Variants in C12orf56 observed in about 807,000 individuals in gnomAD.
C12orf56 encodes the protein uncharacterized protein C12orf56.
A neutral mutation model predicts 69.9 loss-of-function variants in C12orf56; 71 were observed. That is an observed-to-expected ratio of 1.02 (90% CI 0.84 to 1.24). C12orf56 has a LOEUF of 1.24. C12orf56 is among the 50% of genes most tolerant of loss of function. C12orf56 has a pLI of 0.00. For missense variants in C12orf56, 732 were observed against 738.5 expected, an observed-to-expected ratio of 0.99 and a Z score of 0.10; for synonymous variants, 276 against 274.1, an observed-to-expected ratio of 1.01 and a Z score of -0.07.
rs184139850 is a variant in C12orf56, at chr12:64,298,653, C to T, written c.1113+4982G>A. On this transcript the variant is annotated intron_variant, in intron 6 of 12. Coordinates refer to ENST00000543942, the MANE Select transcript of C12orf56 (RefSeq NM_001170633.2). ...TAAATAGGGAATCCTTTCCCCATTG[C>T]TTGTTTGTGTCAGGTTTGTCAAAGA... Among the ~76,000 whole-genome samples, 205 of 150,394 alleles carry T rather than the reference C, an allele frequency of 1.4e-3. 1 individual carries two copies. The highest frequency in any genetic ancestry group is 5.0e-3 in the African/African-American group (203 of 41,008).
intron 5 of C12orf56, among the ~76,000 whole-genome samples, chr12:64,311,123 G>C (rs1472681494): frequency 1.3e-5 from 2 of 151,992 alleles, no homozygotes; most frequent in African/African-American, 4.8e-5. Flanking sequence ...TATCATTGTT[G>C]GACATTTGGG....
chr12:64,336,505 T>C (rs947955229), intron 2 of C12orf56, among the ~76,000 whole-genome samples: 1 of 152,162 alleles, frequency 6.6e-6, no homozygotes. Flanking sequence ...ATAATTATGC[T>C]TGTGGACAAG....
intron 9 of C12orf56, among the ~76,000 whole-genome samples, chr12:64,275,737 G>C (rs1263010851): frequency 6.6e-6 from 1 of 152,088 alleles, no homozygotes; most frequent in Non-Finnish European, 1.5e-5. Flanking sequence ...CCAGTAGCTA[G>C]GACTACAGGT....
At chr12:64,384,538 G>A (rs1186790284) in intron 1 of C12orf56, among the ~76,000 whole-genome samples, 1 of 152,136 alleles carries the variant, frequency 6.6e-6, no homozygotes, top group Non-Finnish European at 1.5e-5. Flanking sequence ...AAGCAAGCAG[G>A]CCAGGCTGTA....
In C12orf56 at chr12:64,344,755, C is replaced by T. The variant is rs2039118413; in HGVS notation, c.415+8139G>A. On this transcript the variant is annotated intron_variant, in intron 2 of 12. Transcript: ENST00000543942. ...GTCAAGGGTATATCTTCTGGACCCTCCCAGCTGGGATGAGTAGCTCTAAAA... is the reference window on the plus strand; with the variant it reads ...GTCAAGGGTATATCTTCTGGACCCTTCCAGCTGGGATGAGTAGCTCTAAAA... Among the ~76,000 whole-genome samples, 3 of 152,260 alleles carry T rather than the reference C, an allele frequency of 2.0e-5. No homozygotes were observed. In the South Asian group the frequency reaches 6.2e-4, roughly 32 times the overall value.
intron 1 of C12orf56, among the ~76,000 whole-genome samples, chr12:64,373,968 T>C (rs1247047795): frequency 6.6e-6 from 1 of 152,198 alleles, no homozygotes; most frequent in Admixed American, 6.6e-5. Context: ...TTTTTCCATT[T>C]GGAACTTGGC....
In C12orf56 at chr12:64,309,321, A is replaced by T. The variant is rs527466385; in HGVS notation, c.968+3358T>A. ...ACTCTCCCCAACCCCGGAGACCTCT[A>T]TTCTATTTTCTGTCTCTATAAATTT... On this transcript the variant is annotated intron_variant, in intron 5 of 12. Transcript: ENST00000543942. Among the ~76,000 whole-genome samples the T allele has an allele frequency of 2.6e-5, 4 of 152,216 alleles. No homozygotes were observed. The South Asian group carries it at 8.3e-4, about 32-fold the overall frequency.
intron 4 of C12orf56, among the ~76,000 whole-genome samples, chr12:64,318,314 C>T (rs535726935): frequency 4.6e-5 from 7 of 152,216 alleles, no homozygotes; most frequent in African/African-American, 1.4e-4. Context: ...CCATCCACCT[C>T]GGCCTCCCAA....
chr12:64,269,745 G>C (rs779393874), intron 12 of C12orf56, among the ~76,000 whole-genome samples: 1 of 151,728 alleles, frequency 6.6e-6, no homozygotes, highest in Non-Finnish European at 1.5e-5. Context: ...TGCACCACCA[G>C]GCTCAGCTTA....
intron 1 of C12orf56, among the ~76,000 whole-genome samples, chr12:64,382,451 G>A (rs2039732265): frequency 6.6e-6 from 1 of 152,018 alleles, no homozygotes; most frequent in Admixed American, 6.6e-5. Context: ...CTTAATATAT[G>A]TGAATAAAGG....
chr12:64,267,575 C>A, intron 12 of C12orf56: 1 of 363,196 alleles, frequency 2.8e-6, no homozygotes, highest in Non-Finnish European at 5.0e-6. Context: ...CTTGGTTTAT[C>A]AGGCAATGCG....
At chr12:64,337,206 C>T (rs1394049056) in intron 2 of C12orf56, among the ~76,000 whole-genome samples, 2 of 152,100 alleles carry the variant, frequency 1.3e-5, no homozygotes, top group African/African-American at 4.8e-5. Flanking sequence ...ACTTCAGACA[C>T]CAAGTGTGTA....
At chr12:64,354,015 T>C (rs1450386771) in intron 1 of C12orf56, among the ~76,000 whole-genome samples, 1 of 152,162 alleles carries the variant, frequency 6.6e-6, no homozygotes, top group East Asian at 1.9e-4. Flanking sequence ...TTCATAAAGG[T>C]CTCAAAAATG....
intron 6 of C12orf56, among the ~76,000 whole-genome samples, chr12:64,293,126 C>G (rs535126511): frequency 6.6e-6 from 1 of 152,202 alleles, no homozygotes; most frequent in African/African-American, 2.4e-5. Flanking sequence ...CAGGTGCGTC[C>G]GTCACCCCTT....
At chr12:64,376,116 A>G (rs1441915192) in intron 1 of C12orf56, among the ~76,000 whole-genome samples, 2 of 152,196 alleles carry the variant, frequency 1.3e-5, no homozygotes, top group South Asian at 4.1e-4. Context: ...GAAAGGCCCA[A>G]TTCTTTTCCA....
intron 9 of C12orf56, among the ~76,000 whole-genome samples, chr12:64,276,256 A>G (rs922920649): frequency 1.2e-4 from 19 of 152,192 alleles, no homozygotes; most frequent in African/African-American, 4.6e-4. Flanking sequence ...GCCCTCATGG[A>G]ACATACAATC....
At chr12:64,363,376 G>A (rs2039422778) in intron 1 of C12orf56, among the ~76,000 whole-genome samples, 1 of 152,190 alleles carries the variant, frequency 6.6e-6, no homozygotes, top group Non-Finnish European at 1.5e-5. Flanking sequence ...GCAGGAAAGG[G>A]TTAATTCAGC....
rs1383776260 is a variant in C12orf56, at chr12:64,327,189, C to T, written c.488+3771G>A. On this transcript the variant is annotated intron_variant, in intron 3 of 12. Transcript: ENST00000543942. ...TCAGCCTCCATAACTATAAGAAATA[C>T]ATTTTTTTCCTTATAAATTAGCCAG... Among the ~76,000 whole-genome samples the T allele has an allele frequency of 4.2e-5, 5 of 118,324 alleles. No homozygotes were observed. The South Asian group carries it at 1.0e-3, about 25-fold the overall frequency. The allele number at this position is 118,324 out of a possible 152,430, so 77.6% of individuals were successfully genotyped here.
At chr12:64,367,829 A>T (rs899686693) in intron 1 of C12orf56, among the ~76,000 whole-genome samples, 9 of 142,450 alleles carry the variant, frequency 6.3e-5, no homozygotes, top group Non-Finnish European at 1.1e-4. Context: ...TTTTTTTGAA[A>T]TGGAGTCTTG....
Sources: allele counts gnomAD v4.1 joint callset (sites outside exome capture counted in the v4.1 genomes callset), GRCh38; gene constraint gnomAD v4.1.1; transcripts MANE v1.5; gene names NCBI Gene and HGNC (gene_info 2026-07-23, HGNC 2026-07-21).